FKTN: variants seen among roughly 807,000 people sequenced by gnomAD.
FKTN encodes ribitol-5-phosphate transferase FKTN.
A neutral mutation model predicts 58.6 loss-of-function variants in FKTN; 47 were observed. The observed-to-expected ratio is 0.80, with a 90% CI of 0.63 to 1.02. FKTN has a LOEUF of 1.02. Ranked by LOEUF, FKTN falls within the 50% of genes least tolerant of loss-of-function variation. The probability of loss-of-function intolerance (pLI) is 0.00; values close to 1 mark genes in which losing one functional copy is unlikely to be tolerated. For missense variants in FKTN, 516 were observed against 537.3 expected (o/e 0.96, Z 0.39); for synonymous variants, 178 against 191.9 (o/e 0.93, Z 0.60).
At chr9:105,586,914 A>G (rs930105972) in intron 3 of FKTN, among the ~76,000 whole-genome samples, 10 of 152,190 alleles carry the variant, frequency 6.6e-5, no homozygotes, top group South Asian at 2.1e-4. Flanking sequence ...TGGGGTCCAG[A>G]TATGTTAAGT....
At chr9:105,594,707 C>T (rs1826430144) in intron 3 of FKTN, among the ~76,000 whole-genome samples, 1 of 152,184 alleles carries the variant, frequency 6.6e-6, no homozygotes, top group African/African-American at 2.4e-5. Context: ...GATCACGCCA[C>T]TGCACTCCAG....
chr9:105,565,808 A>G (rs1421835349), intron 1 of FKTN, among the ~76,000 whole-genome samples: 1 of 152,222 alleles, frequency 6.6e-6, no homozygotes. Context: ...CCTAATAGAC[A>G]TCTATAGAAC....
intron 1 of FKTN, among the ~76,000 whole-genome samples, chr9:105,568,054 T>C (rs1477825789): frequency 6.6e-6 from 1 of 152,196 alleles, no homozygotes; most frequent in Non-Finnish European, 1.5e-5. Context: ...GGATTCCCTA[T>C]TTAACAAATG....
At chr9:105,633,669 G>A (rs1277320059) in intron 10 of FKTN, among the ~76,000 whole-genome samples, 2 of 152,208 alleles carry the variant, frequency 1.3e-5, no homozygotes, top group African/African-American at 4.8e-5. Context: ...ACAGTAGCCA[G>A]CTGGGATTGT....
In FKTN at chr9:105,607,964, C is replaced by A. The variant is rs1401312926; in HGVS notation, c.780+13C>A. On this transcript the variant is annotated intron_variant, in intron 7 of 10. Transcript: ENST00000357998. ...AGCATTCTTTCAGGTTAGAGACAAC[C>A]AAATGTGTACTTTTAAATTAAAGAA... is the stretch of plus-strand genomic sequence containing the variant. 1 of 1,604,206 alleles carries A rather than the reference C, an allele frequency of 6.2e-7. No homozygotes were observed. Among genetic ancestry groups the A allele is most frequent in the Non-Finnish European group, 8.5e-7 (1 of 1,171,438 alleles).
At chr9:105,581,908 C>T (rs1020238626) in intron 3 of FKTN, among the ~76,000 whole-genome samples, 5 of 152,166 alleles carry the variant, frequency 3.3e-5, no homozygotes, top group Non-Finnish European at 5.9e-5. Context: ...GCGCAATATT[C>T]GGGTGGGAGT....
chr9:105,598,132 T>C (rs1031774677), intron 4 of FKTN: 12 of 468,966 alleles, frequency 2.6e-5, no homozygotes, highest in Admixed American at 2.1e-4. Flanking sequence ...TTTCAAAGTC[T>C]TTACTTCCAC....
In FKTN at chr9:105,637,918, T is replaced by G. The variant is rs574911726; in HGVS notation, c.*2654T>G. 3.0e-6 allele frequency: 3 copies of G among 985,334 alleles called. No individual in the cohort carries two copies. In the African/African-American group the frequency reaches 5.2e-5, roughly 17 times the overall value. The allele number at this position is 985,334 out of a possible 1,614,324, so 61.0% of individuals were successfully genotyped here. A position where few individuals can be genotyped will look rare whatever the true frequency, so the allele number is the denominator to read the frequency against. ...AGCATCCCTAAGAGTAGCTGCTTGG[T>G]GGGACAGCTGATTTCTTTGATTCCC... On this transcript the variant is annotated 3_prime_UTR_variant, in exon 11 of 11. Coordinates refer to ENST00000357998, the MANE Select transcript of FKTN (RefSeq NM_001079802.2).
At chr9:105,606,976 G>GT (rs1281650409) in intron 6 of FKTN, among the ~76,000 whole-genome samples, 4 of 151,418 alleles carry the variant, frequency 2.6e-5, no homozygotes, top group Non-Finnish European at 4.4e-5. Context: ...TTTTTTGCCT[G>GT]TTTTTTTCTT....
intron 7 of FKTN, 122 bp downstream of exon 7, chr9:105,608,073 ATG>A (rs1829233399): frequency 1.3e-6 from 1 of 789,168 alleles, no homozygotes. Context: ...CTTTTTTGAT[ATG>A]TCTCTTTTCT....
At chr9:105,558,611 C>G (rs1837646866) in intron 1 of FKTN, among the ~76,000 whole-genome samples, 1 of 150,440 alleles carries the variant, frequency 6.6e-6, no homozygotes, top group Non-Finnish European at 1.5e-5. Context: ...CCACATTTCT[C>G]TTGGCTTCAG....
chr9:105,580,351 G>C (rs1842648963), intron 3 of FKTN, among the ~76,000 whole-genome samples: 1 of 151,616 alleles, frequency 6.6e-6, no homozygotes, highest in African/African-American at 2.4e-5. Flanking sequence ...AGCTCTTTTA[G>C]GGCAGGCCTG....
At chr9:105,562,765 A>G (rs1355311776) in intron 1 of FKTN, among the ~76,000 whole-genome samples, 3 of 152,226 alleles carry the variant, frequency 2.0e-5, no homozygotes, top group African/African-American at 7.2e-5. Context: ...GATGGAATCA[A>G]CTATGAGATT....
chr9:105,635,019 T>C, intron 10 of FKTN, 32 bp from the exon 11 acceptor site: 2 of 1,592,446 alleles, frequency 1.3e-6, no homozygotes, highest in Admixed American at 1.7e-5. Flanking sequence ...CTTCTTCCAC[T>C]GTTGAAGCCT....
intron 6 of FKTN, 135 bp downstream of exon 6, chr9:105,604,627 C>A: frequency 2.7e-6 from 2 of 747,196 alleles, no homozygotes; most frequent in Non-Finnish European, 4.3e-6. Flanking sequence ...TTCTTAATGA[C>A]TCCAAATTAG....
chr9:105,604,565 T>C, intron 6 of FKTN, 73 bp downstream of exon 6: 1 of 1,211,678 alleles, frequency 8.3e-7, no homozygotes, highest in Admixed American at 1.7e-5. Context: ...GTTTTTACAT[T>C]TGAGTATTGA....
At chr9:105,615,030 C>T (rs185900038) in intron 7 of FKTN, among the ~76,000 whole-genome samples, 18 of 152,088 alleles carry the variant, frequency 1.2e-4, no homozygotes, top group African/African-American at 2.7e-4. Flanking sequence ...ACTATAGGCG[C>T]GGGCCACCAC....
Position 105,610,264 on chromosome 9 carries a change from C to A in FKTN, c.780+2313C>A, listed in dbSNP as rs183944624. The stretch of plus-strand genomic sequence containing the variant: ...GCCAAGACCTGGATGCCAGGTGTAC[C>A]CATTGCTATTTGGGTTTTGCTGCAG... On this transcript the variant is annotated intron_variant, in intron 7 of 10. Coordinates refer to ENST00000357998, the MANE Select transcript of FKTN (RefSeq NM_001079802.2). 3.2e-4 allele frequency among the ~76,000 whole-genome samples: 49 copies of A among 152,086 alleles called. 2 individuals carry two copies. Among genetic ancestry groups the A allele is most frequent in the African/African-American group, 1.0e-3 (43 of 41,422 alleles).
intron 6 of FKTN, among the ~76,000 whole-genome samples, chr9:105,605,182 T>G (rs1201262631): frequency 6.6e-6 from 1 of 152,064 alleles, no homozygotes; most frequent in Admixed American, 6.6e-5. Flanking sequence ...GATATATATG[T>G]ATACACAGCT....
Sources: allele counts gnomAD v4.1 joint callset (sites outside exome capture counted in the v4.1 genomes callset), GRCh38; gene constraint gnomAD v4.1.1; transcripts MANE v1.5; gene names NCBI Gene and HGNC (gene_info 2026-07-23, HGNC 2026-07-21).